The following BABAM2 variants were observed in gnomAD, a reference collection of about 807,000 sequenced individuals.
BABAM2 encodes BRISC and BRCA1 A complex member 2.
BABAM2 carries 31 observed loss-of-function variants against 54.7 expected under a neutral mutation model. That is an observed-to-expected ratio of 0.57 (90% CI 0.43 to 0.77). The LOEUF (loss-of-function observed/expected upper bound fraction) is 0.77. Among genes scored for constraint, BABAM2 ranks in the 30% least tolerant of loss-of-function variants. The pLI, the probability that BABAM2 is intolerant of heterozygous loss-of-function variation, is 0.00. For synonymous variants in BABAM2, 167 were observed against 162.9 expected, an observed-to-expected ratio of 1.03 and a Z score of -0.19; for missense variants, 364 against 455.8, an observed-to-expected ratio of 0.80 and a Z score of 1.83.
intron 5 of BABAM2, among the ~76,000 whole-genome samples, chr2:28,035,159 T>C (rs1364981796): frequency 6.6e-6 from 1 of 152,226 alleles, no homozygotes; most frequent in Non-Finnish European, 1.5e-5. Flanking sequence ...GCTTTTCACC[T>C]GTCTTTTTTT....
chr2:28,072,173 T>G (rs867295870), intron 6 of BABAM2, among the ~76,000 whole-genome samples: 10 of 151,872 alleles, frequency 6.6e-5, no homozygotes, highest in Middle Eastern at 6.9e-3. Context: ...GATGTGAGCC[T>G]GGATTCTTTT....
intron 2 of BABAM2, among the ~76,000 whole-genome samples, chr2:27,918,261 C>A (rs572954695): frequency 5.9e-5 from 9 of 152,318 alleles, no homozygotes; most frequent in African/African-American, 2.2e-4. Flanking sequence ...CAGCCCCTTA[C>A]AACTACTGTT....
intron 10 of BABAM2, among the ~76,000 whole-genome samples, chr2:28,287,707 A>G (rs1319179386): frequency 1.3e-5 from 2 of 152,186 alleles, no homozygotes; most frequent in Non-Finnish European, 2.9e-5. Context: ...AAGCAATAGC[A>G]GGTTGAAGGG....
intron 4 of BABAM2, 139 bp downstream of exon 4, chr2:27,988,226 A>G: frequency 1.3e-6 from 1 of 745,252 alleles, no homozygotes; most frequent in Non-Finnish European, 2.3e-6. Context: ...CCTGTGAAAT[A>G]GATGGAACTC....
At chr2:27,979,433 T>C (rs865905277) in intron 3 of BABAM2, among the ~76,000 whole-genome samples, 3 of 152,068 alleles carry the variant, frequency 2.0e-5, no homozygotes, top group Non-Finnish European at 4.4e-5. Flanking sequence ...TATGAGTATA[T>C]GTGTTTTTTT....
intron 5 of BABAM2, among the ~76,000 whole-genome samples, chr2:28,026,876 A>ATATATATAGATATATATATATT (rs1558667360): frequency 1.8e-5 from 1 of 56,174 alleles, no homozygotes; most frequent in Non-Finnish European, 3.1e-5. Context: ...ATATATATTT[A>ATATATATAGATATATATATATT]TATATATATA....
At chr2:28,174,494 A>T (rs1032584466) in intron 7 of BABAM2, among the ~76,000 whole-genome samples, 1 of 152,252 alleles carries the variant, frequency 6.6e-6, no homozygotes, top group Non-Finnish European at 1.5e-5. Context: ...ATTCAACAGA[A>T]AAGTGGCAGG....
intron 11 of BABAM2, among the ~76,000 whole-genome samples, chr2:28,313,099 G>A (rs570208269): frequency 6.6e-6 from 1 of 152,324 alleles, no homozygotes; most frequent in Admixed American, 6.5e-5. Flanking sequence ...GGAGTGGCCT[G>A]GCATGGGTGC....
chr2:28,004,518 G>C (rs1673811693), intron 4 of BABAM2, among the ~76,000 whole-genome samples: 1 of 152,062 alleles, frequency 6.6e-6, no homozygotes, highest in Non-Finnish European at 1.5e-5. Flanking sequence ...GATTATTATA[G>C]AATTTTCAAA....
At chr2:27,924,001 T>C (rs192580083) in intron 2 of BABAM2, among the ~76,000 whole-genome samples, 70 of 152,232 alleles carry the variant, frequency 4.6e-4, no homozygotes, top group Admixed American at 1.5e-3. Flanking sequence ...AGAAAAGTAA[T>C]TAGAAGAATC....
chr2:28,184,288 C>CA (rs1676024848), intron 7 of BABAM2, among the ~76,000 whole-genome samples: 1 of 137,684 alleles, frequency 7.3e-6, no homozygotes, highest in African/African-American at 2.6e-5. Flanking sequence ...CTCTCTCTCC[C>CA]CCCCTCCCTC....
chr2:28,316,552 C>T (rs1415731933), intron 11 of BABAM2, among the ~76,000 whole-genome samples: 1 of 152,120 alleles, frequency 6.6e-6, no homozygotes, highest in Non-Finnish European at 1.5e-5. Context: ...AACTTAAAGG[C>T]CTTATGGGGG....
intron 2 of BABAM2, among the ~76,000 whole-genome samples, chr2:27,917,479 C>T (rs1460132559): frequency 2.6e-5 from 4 of 152,100 alleles, no homozygotes; most frequent in African/African-American, 7.2e-5. Context: ...CTGGTGAGGG[C>T]CCGTTCCTCA....
chr2:28,020,410 A>C (rs769421197), intron 4 of BABAM2, among the ~76,000 whole-genome samples: 1 of 152,204 alleles, frequency 6.6e-6, no homozygotes, highest in Non-Finnish European at 1.5e-5. Flanking sequence ...ATGTATATAC[A>C]CTCAGAAAAT....
At chr2:28,207,394 G>GCAA (rs1310027163) in intron 7 of BABAM2, among the ~76,000 whole-genome samples, 5 of 151,194 alleles carry the variant, frequency 3.3e-5, no homozygotes, top group Non-Finnish European at 7.4e-5. Context: ...AACAGCAGCA[G>GCAA]CAACAACAAC....
At position 28,023,194 on chromosome 2, in the gene BABAM2, T is replaced by C. The variant is rs78335875; in HGVS notation, c.301-2032T>C. 2.6e-3 allele frequency among the ~76,000 whole-genome samples: 397 copies of C among 152,338 alleles called. 1 individual carries two copies. The highest frequency in any genetic ancestry group is 9.0e-3 in the African/African-American group (375 of 41,580). On this transcript the variant is annotated intron_variant, in intron 4 of 11. Transcript: ENST00000379624. ...GTTGGTAAGGTATGTTGCCAACTTA[T>C]ATGTTTTTATAATTTTTAAAAATTG... is the stretch of plus-strand genomic sequence containing the variant.
At position 28,329,833 on chromosome 2, in the gene BABAM2, G is replaced by A. The variant is rs183187331; in HGVS notation, c.1089-8617G>A. On this transcript the variant is annotated intron_variant, in intron 11 of 11. Transcript: ENST00000379624. The surrounding 1 kb of genome is among the most constrained non-coding windows in gnomAD (Gnocchi z 4.2). The stretch of plus-strand genomic sequence containing the variant: ...GGGACTTCTCCCTAACTCACTTTAT[G>A]AGACCAGCATTATCCTGATACCAAA... Among the ~76,000 whole-genome samples the A allele has an allele frequency of 1.6e-4, 24 of 152,246 alleles. No homozygotes were observed. Among genetic ancestry groups the A allele is most frequent in the Admixed American group, 1.1e-3 (17 of 15,294 alleles).
chr2:27,948,438 C>T (rs978995964), intron 3 of BABAM2, among the ~76,000 whole-genome samples: 7 of 152,056 alleles, frequency 4.6e-5, no homozygotes, highest in Admixed American at 2.0e-4. Flanking sequence ...TCTTTCCTGC[C>T]TTAGTGCACT....
intron 7 of BABAM2, among the ~76,000 whole-genome samples, chr2:28,181,116 T>C (rs1675578365): frequency 6.6e-6 from 1 of 152,152 alleles, no homozygotes. Flanking sequence ...TGGGTATTTA[T>C]CCAAAGGAAA....
Sources: gnomAD v4.1 joint callset for allele counts (sites outside exome capture counted in the v4.1 genomes callset) on GRCh38, gnomAD v4.1.1 for gene constraint, Gnocchi (gnomAD v3.1) non-coding constraint, MANE v1.5 for transcripts, NCBI Gene and HGNC (gene_info 2026-07-23, HGNC 2026-07-21) for gene names.